The following PCBP2 variants were observed in gnomAD, a reference collection of about 807,000 sequenced individuals.
PCBP2 encodes the protein poly(rC)-binding protein 2.
Under a neutral mutation model 50.1 loss-of-function variants are expected in PCBP2, and 4 were observed. The ratio of observed to expected loss-of-function variants is 0.08; its 90% CI spans 0.04 to 0.18. PCBP2 has a LOEUF of 0.18. Among genes scored for constraint, PCBP2 ranks in the 10% least tolerant of loss-of-function variants. The pLI, the probability that PCBP2 is intolerant of heterozygous loss-of-function variation, is 1.00. For missense variants in PCBP2, 161 were observed against 474.3 expected (o/e 0.34, Z 6.14); for synonymous variants, 179 against 168.0 (o/e 1.07, Z -0.51).
intron 13 of PCBP2, among the ~76,000 whole-genome samples, chr12:53,469,509 T>C (rs952769427): frequency 2.0e-5 from 3 of 151,808 alleles, no homozygotes; most frequent in African/African-American, 7.3e-5. Flanking sequence ...TCACCTGAGC[T>C]TGGAAGTTCG....
At chr12:53,477,664 T>TAAA (rs1423469814) in intron 14 of PCBP2, among the ~76,000 whole-genome samples, 1 of 14,750 alleles carries the variant, frequency 6.8e-5, no homozygotes, top group Non-Finnish European at 1.4e-4. Context: ...AGACTCTGTC[T>TAAA]CAAAAAAAAA....
At chr12:53,462,461 TTTTG>T in intron 7 of PCBP2, 28 bp from the exon 8 acceptor site, 1 of 1,583,870 alleles carries the variant, frequency 6.3e-7, no homozygotes, top group Non-Finnish European at 8.6e-7. Flanking sequence ...CCTTATCTCT[TTTTG>T]TTTTTTTCCC....
intron 13 of PCBP2, among the ~76,000 whole-genome samples, chr12:53,470,807 T>C: frequency 6.7e-6 from 1 of 150,186 alleles, no homozygotes; most frequent in African/African-American, 2.4e-5. Context: ...ACCTTAGGAA[T>C]TGGCCAGAAT....
chr12:53,467,188 T>G, intron 10 of PCBP2, 33 bp from the exon 11 acceptor site: 1 of 1,577,942 alleles, frequency 6.3e-7, no homozygotes, highest in South Asian at 1.1e-5. Flanking sequence ...CTGTTAAATC[T>G]TCTAATGCCA....
chr12:53,476,894 C>A lies in PCBP2; in HGVS notation c.1053-2512C>A, dbSNP rs183008411. Among the ~76,000 whole-genome samples the A allele has an allele frequency of 7.4e-4, 112 of 151,094 alleles. 1 individual carries two copies. The highest frequency in any genetic ancestry group is 2.6e-3 in the African/African-American group (104 of 40,402). ...TAGGACTTAATCATGCTGATACCAT[C>A]TCCCCCCAGGGATGTGGTTTTATCT... On this transcript the variant is annotated intron_variant, in intron 14 of 14. Transcript: ENST00000546463.
chr12:53,468,656 T>C, intron 12 of PCBP2, 121 bp from the exon 13 acceptor site: 2 of 770,312 alleles, frequency 2.6e-6, no homozygotes, highest in South Asian at 1.5e-5. Context: ...AAGTTAGTGA[T>C]GAATCCCAAC....
chr12:53,466,441 G>A (rs1941831110), intron 10 of PCBP2, among the ~76,000 whole-genome samples: 1 of 152,166 alleles, frequency 6.6e-6, no homozygotes, highest in African/African-American at 2.4e-5. Flanking sequence ...CACAGAGAGG[G>A]ATAGGAACCT....
Position 53,455,846 on chromosome 12 carries a change from CTT to C in PCBP2, c.127-37_127-36del, listed in dbSNP as rs762005898. The C allele has an allele frequency of 4.4e-6, 6 of 1,371,946 alleles. No homozygotes were observed. The East Asian group carries it at 6.9e-5, about 16-fold the overall frequency. The allele number at this position is 1,371,946 out of a possible 1,614,324, so 85.0% of individuals were successfully genotyped here. On this transcript the variant is annotated intron_variant, in intron 4 of 14. Transcript: ENST00000546463. ...TAGATCCTGTACATACTCAGATCTTCTTTGTTTTAACTTCTTTTGGATCTTGT... is the reference window on the plus strand; with the variant it reads ...TAGATCCTGTACATACTCAGATCTTCTGTTTTAACTTCTTTTGGATCTTGT...
intron 14 of PCBP2, among the ~76,000 whole-genome samples, chr12:53,476,828 G>C (rs934363067): frequency 1.3e-5 from 2 of 152,112 alleles, no homozygotes; most frequent in South Asian, 4.1e-4. Context: ...TTTATCATGT[G>C]GTCCAGCTCT....
At chr12:53,473,501 T>C (rs1273917613) in intron 14 of PCBP2, among the ~76,000 whole-genome samples, 2 of 152,236 alleles carry the variant, frequency 1.3e-5, no homozygotes, top group African/African-American at 2.4e-5. Flanking sequence ...TTGCCCTTCA[T>C]GTAATTTAAA....
chr12:53,472,493 A>G (rs763405891), intron 14 of PCBP2, among the ~76,000 whole-genome samples: 1 of 152,210 alleles, frequency 6.6e-6, no homozygotes, highest in Admixed American at 6.5e-5. Context: ...ATGGGATCCT[A>G]CAGTCATTTA....
At chr12:53,467,391 A>T in intron 11 of PCBP2, 98 bp downstream of exon 11, 1 of 989,908 alleles carries the variant, frequency 1.0e-6, no homozygotes, top group African/African-American at 1.6e-5. Context: ...AAACTTCGTT[A>T]TCCAGCATCC....
intron 13 of PCBP2, 23 bp downstream of exon 13, chr12:53,468,855 G>T (rs1941995186): frequency 1.3e-6 from 2 of 1,578,290 alleles, no homozygotes; most frequent in African/African-American, 2.7e-5. Flanking sequence ...AGGTTGCATG[G>T]GATGAAAATA....
chr12:53,465,043 T>A, intron 9 of PCBP2, 191 bp downstream of exon 9: 3 of 201,722 alleles, frequency 1.5e-5, no homozygotes. Flanking sequence ...TAACACCAAC[T>A]TTTTTTTTTT....
At chr12:53,456,108 C>T (rs988894105) in intron 5 of PCBP2, 107 bp downstream of exon 5, 8 of 732,906 alleles carry the variant, frequency 1.1e-5, no homozygotes, top group Admixed American at 2.0e-5. Flanking sequence ...CCTTGAGACT[C>T]GCTGTAAATG....
chr12:53,465,257 T>C (rs1412145842), intron 9 of PCBP2, among the ~76,000 whole-genome samples: 1 of 151,808 alleles, frequency 6.6e-6, no homozygotes, highest in African/African-American at 2.4e-5. Flanking sequence ...CCTACCCCAT[T>C]GCCCTGAAGA....
chr12:53,464,989 C>T, intron 9 of PCBP2, 137 bp downstream of exon 9: 3 of 1,099,770 alleles, frequency 2.7e-6, no homozygotes, highest in Non-Finnish European at 3.6e-6. Flanking sequence ...CTGGACTGAC[C>T]CCCCCAACCT....
chr12:53,467,104 T>C (rs765198184), intron 10 of PCBP2, 117 bp from the exon 11 acceptor site: 14 of 700,880 alleles, frequency 2.0e-5, no homozygotes, highest in Non-Finnish European at 3.6e-5. Context: ...CCCTCTGTTG[T>C]AGTTTGAGTA....
At position 53,464,808 on chromosome 12, in the gene PCBP2, C is replaced by A; in HGVS notation, c.628C>A (p.Pro210Thr). 1 of 1,612,110 alleles carries A rather than the reference C, an allele frequency of 6.2e-7. No homozygotes were observed. Among genetic ancestry groups the A allele is most frequent in the Non-Finnish European group, 8.5e-7 (1 of 1,179,162 alleles). Residue 210 changes from proline (P) to threonine (T), a missense_variant, in exon 9 of 15, where the codon CCG becomes ACG. Coordinates refer to ENST00000546463, the MANE Select transcript of PCBP2 (RefSeq NM_031989.5). The stretch of plus-strand genomic sequence containing the variant: ...CAGTGCGAGCTTTCCCCACACCACC[C>A]CGTCCATGTGCCTCAACCCTGACCT... Reference protein sequence around the residue: ...SDSASFPHTTPSMCLNPDLEG... With the variant: ...SDSASFPHTTTSMCLNPDLEG...
Sources: allele counts gnomAD v4.1 joint callset (sites outside exome capture counted in the v4.1 genomes callset), GRCh38; gene constraint gnomAD v4.1.1; transcripts MANE v1.5; gene names NCBI Gene and HGNC (gene_info 2026-07-23, HGNC 2026-07-21).